The following FER variants were observed in gnomAD, a reference collection of about 807,000 sequenced individuals.
FER encodes FER tyrosine kinase.
FER carries 63 observed loss-of-function variants against 111.0 expected under a neutral mutation model. That is an observed-to-expected ratio of 0.57 (90% CI 0.46 to 0.70). FER has a LOEUF of 0.70. Among genes scored for constraint, FER ranks in the 30% least tolerant of loss-of-function variants. FER has a pLI of 0.00. For missense variants in FER, 914 were observed against 954.0 expected, an observed-to-expected ratio of 0.96 and a Z score of 0.55; for synonymous variants, 327 against 313.9, an observed-to-expected ratio of 1.04 and a Z score of -0.44.
At chr5:109,042,879 G>A (rs1019541652) in intron 14 of FER, among the ~76,000 whole-genome samples, 1 of 152,114 alleles carries the variant, frequency 6.6e-6, no homozygotes, top group Admixed American at 6.6e-5. Context: ...TTATAATGTG[G>A]AGCTATATAG....
intron 5 of FER, among the ~76,000 whole-genome samples, chr5:108,863,692 A>G (rs183181473): frequency 6.6e-6 from 1 of 152,282 alleles, no homozygotes; most frequent in East Asian, 1.9e-4. Flanking sequence ...TGAGGCAAAA[A>G]ATTTACTGAT....
intron 17 of FER, among the ~76,000 whole-genome samples, chr5:109,174,195 GAGGA>G (rs1289247470): frequency 1.3e-5 from 2 of 152,160 alleles, no homozygotes; most frequent in Non-Finnish European, 2.9e-5. Flanking sequence ...GAGAAGAGGT[GAGGA>G]ACAGTATGAT....
In FER at chr5:108,937,364, A is replaced by G. The variant is rs1436584035; in HGVS notation, c.1237-8766A>G. 4.6e-5 allele frequency among the ~76,000 whole-genome samples: 7 copies of G among 152,048 alleles called. No individual in the cohort carries two copies. The East Asian group carries it at 1.2e-3, about 25-fold the overall frequency. On this transcript the variant is annotated intron_variant, in intron 10 of 19. Coordinates refer to ENST00000281092, the MANE Select transcript of FER (RefSeq NM_005246.4). ...TTCAGTAATATATTGACTTTTATCT[A>G]CCTCTTGCGACATCTAAATAGAAGT...
chr5:109,144,558 C>T lies in FER; in HGVS notation c.2049-36189C>T, dbSNP rs984502084. On this transcript the variant is annotated intron_variant, in intron 17 of 19. Coordinates refer to ENST00000281092, the MANE Select transcript of FER (RefSeq NM_005246.4). ...ATACACCTATATCTGATTCTCATTCCGATCTTTAAAAGTGAGAATATCTGA... is the reference window on the plus strand; with the variant it reads ...ATACACCTATATCTGATTCTCATTCTGATCTTTAAAAGTGAGAATATCTGA... 2.4e-4 allele frequency among the ~76,000 whole-genome samples: 36 copies of T among 152,192 alleles called. No homozygotes were observed. In the Middle Eastern group the frequency reaches 0.01, roughly 43 times the overall value.
chr5:108,830,603 G>A (rs765111820), intron 3 of FER: 1 of 152,230 alleles, frequency 6.6e-6, no homozygotes. Context: ...AAAGGAGCAT[G>A]AGAGTGTACC....
At chr5:108,868,500 AC>A (rs1369340849) in intron 6 of FER, among the ~76,000 whole-genome samples, 2 of 152,140 alleles carry the variant, frequency 1.3e-5, no homozygotes, top group African/African-American at 4.8e-5. Flanking sequence ...CATGTTTATC[AC>A]ACACACTGAT....
At chr5:109,166,277 A>C (rs1756547922) in intron 17 of FER, among the ~76,000 whole-genome samples, 1 of 152,066 alleles carries the variant, frequency 6.6e-6, no homozygotes, top group South Asian at 2.1e-4. Flanking sequence ...GGGAAAATTT[A>C]GGTTTGTAAC....
At chr5:109,100,095 G>C (rs1030234537) in intron 16 of FER, among the ~76,000 whole-genome samples, 2 of 151,788 alleles carry the variant, frequency 1.3e-5, no homozygotes, top group East Asian at 1.9e-4. Flanking sequence ...AAGCAAATTG[G>C]TAAAAACAGT....
intron 3 of FER, among the ~76,000 whole-genome samples, chr5:108,814,017 C>T (rs1758023862): frequency 1.3e-5 from 2 of 152,042 alleles, no homozygotes; most frequent in African/African-American, 4.8e-5. Context: ...ATTTGAATTC[C>T]TTTTATATCT....
chr5:108,922,882 G>T, intron 10 of FER, among the ~76,000 whole-genome samples: 1 of 152,108 alleles, frequency 6.6e-6, no homozygotes, highest in South Asian at 2.1e-4. Flanking sequence ...TGGTGAAATA[G>T]AGCAGTGACT....
At chr5:109,149,596 C>CA (rs140891624) in intron 17 of FER, among the ~76,000 whole-genome samples, 4,904 of 152,224 alleles carry the variant, frequency 0.032, 111 homozygotes, top group Middle Eastern at 0.092. Context: ...TCAAGAAACT[C>CA]ACAGTGGTAT....
intron 12 of FER, among the ~76,000 whole-genome samples, chr5:108,956,914 G>A (rs2149661109): frequency 6.6e-6 from 1 of 151,710 alleles, no homozygotes; most frequent in East Asian, 1.9e-4. Flanking sequence ...AGTGCCTACT[G>A]TATTCTAATG....
chr5:108,992,169 G>A (rs1763274935), intron 13 of FER, among the ~76,000 whole-genome samples: 1 of 152,164 alleles, frequency 6.6e-6, no homozygotes, highest in Non-Finnish European at 1.5e-5. Flanking sequence ...CACAGCACAT[G>A]TTTCAGAGAG....
At chr5:109,156,043 A>G (rs577591252) in intron 17 of FER, among the ~76,000 whole-genome samples, 1 of 152,178 alleles carries the variant, frequency 6.6e-6, no homozygotes, top group East Asian at 1.9e-4. Context: ...AAATCATGAA[A>G]ATCCTTATAA....
chr5:109,123,636 A>T (rs1239135287), intron 17 of FER, among the ~76,000 whole-genome samples: 1 of 152,204 alleles, frequency 6.6e-6, no homozygotes, highest in Admixed American at 6.5e-5. Context: ...ATCACTGGTT[A>T]TATAAACAAA....
At chr5:108,980,292 A>G (rs1338399232) in intron 13 of FER, among the ~76,000 whole-genome samples, 1 of 152,146 alleles carries the variant, frequency 6.6e-6, no homozygotes, top group African/African-American at 2.4e-5. Flanking sequence ...GCCAGGAGAG[A>G]GTAAAAAAGC....
intron 17 of FER, among the ~76,000 whole-genome samples, chr5:109,173,028 C>A (rs888693241): frequency 6.6e-6 from 1 of 152,176 alleles, no homozygotes; most frequent in African/African-American, 2.4e-5. Flanking sequence ...TCTCAACATT[C>A]ATATTTAGTA....
chr5:109,006,892 T>G (rs1048650012), intron 13 of FER, among the ~76,000 whole-genome samples: 19 of 152,198 alleles, frequency 1.2e-4, no homozygotes, highest in Non-Finnish European at 2.5e-4. Flanking sequence ...ATATTGATAC[T>G]AAGAGCACAA....
intron 18 of FER, among the ~76,000 whole-genome samples, chr5:109,183,882 G>A (rs1758562856): frequency 6.6e-6 from 1 of 152,144 alleles, no homozygotes; most frequent in Admixed American, 6.5e-5. Flanking sequence ...GGCCTTCCCA[G>A]CCCTATTGCT....
Sources: gnomAD v4.1 joint callset for allele counts (sites outside exome capture counted in the v4.1 genomes callset) on GRCh38, gnomAD v4.1.1 for gene constraint, MANE v1.5 for transcripts, NCBI Gene and HGNC (gene_info 2026-07-23, HGNC 2026-07-21) for gene names.